The following ENTHD1 variants were observed in gnomAD, a reference collection of about 807,000 sequenced individuals.
ENTHD1 encodes the protein ENTH domain-containing protein 1.
In ENTHD1, 23 loss-of-function variants were observed where a neutral mutation model predicts 39.1. That is an observed-to-expected ratio of 0.59 (90% CI 0.42 to 0.83). The LOEUF (loss-of-function observed/expected upper bound fraction) is 0.83. ENTHD1 is among the 40% of genes least tolerant of loss of function. The pLI, the probability that ENTHD1 is intolerant of heterozygous loss-of-function variation, is 0.00. For missense variants in ENTHD1, 624 were observed against 705.4 expected (o/e 0.88, Z 1.31); for synonymous variants, 230 against 258.2 (o/e 0.89, Z 1.05).
At chr22:39,890,613 C>A (rs891223637) in intron 1 of ENTHD1, among the ~76,000 whole-genome samples, 1 of 151,942 alleles carries the variant, frequency 6.6e-6, no homozygotes, top group Non-Finnish European at 1.5e-5. Flanking sequence ...CATTCTCTAA[C>A]CTATATTTTA....
At chr22:39,765,176 TTGTGTGTGTGTGTG>T (rs71326782) in intron 6 of ENTHD1, 33 bp downstream of exon 6, 11 of 1,402,936 alleles carry the variant, frequency 7.8e-6, no homozygotes, top group East Asian at 2.6e-5. Flanking sequence ...AGGTTTTTTG[TTGTGTGTGTGTGTG>T]TGTGTGTGTG....
At chr22:39,866,212 A>C (rs1013931403) in intron 2 of ENTHD1, among the ~76,000 whole-genome samples, 5 of 152,324 alleles carry the variant, frequency 3.3e-5, no homozygotes, top group African/African-American at 1.2e-4. Flanking sequence ...CTCCCAAACA[A>C]ACAAAAAAAG....
chr22:39,799,712 C>G (rs2065583077), intron 5 of ENTHD1, among the ~76,000 whole-genome samples: 1 of 152,210 alleles, frequency 6.6e-6, no homozygotes, highest in Non-Finnish European at 1.5e-5. Context: ...ATTTACTTCC[C>G]TTACTGCGCA....
Position 39,887,818 on chromosome 22 carries a change from T to C in ENTHD1, c.-70A>G, listed in dbSNP as rs1406782515. 3 of 1,187,066 alleles carry C rather than the reference T, an allele frequency of 2.5e-6. No homozygotes were observed. Among genetic ancestry groups the C allele is most frequent in the Non-Finnish European group, 3.5e-6 (3 of 851,426 alleles). 73.5% of individuals were successfully genotyped at this position (1,187,066 alleles called of 1,614,324 possible). ...AATAACAGTTTATGTCACGGGTTTATAAAACTCTTGACAGGTAATTGGTCC... is the reference window on the plus strand; with the variant it reads ...AATAACAGTTTATGTCACGGGTTTACAAAACTCTTGACAGGTAATTGGTCC... On this transcript the variant is annotated 5_prime_UTR_variant, in exon 2 of 7. Transcript: ENST00000325157.
chr22:39,858,683 C>A (rs552018107), intron 3 of ENTHD1, among the ~76,000 whole-genome samples: 1 of 152,134 alleles, frequency 6.6e-6, no homozygotes, highest in African/African-American at 2.4e-5. Flanking sequence ...TTAGCAGGCA[C>A]GAAAACAATA....
rs980493689 is a variant in ENTHD1, at chr22:39,744,060, A to G, written c.1443T>C (p.Asp481=). Residue 481 remains aspartate (D), a synonymous_variant, in exon 7 of 7, where the codon GAT becomes GAC. Coordinates refer to ENST00000325157, the MANE Select transcript of ENTHD1 (RefSeq NM_152512.4). ...GATTGAGGCTATCATTTTCCTCTACATCAGAAGACACTGGGCCCCTAGAAG... is the reference window on the plus strand; with the variant it reads ...GATTGAGGCTATCATTTTCCTCTACGTCAGAAGACACTGGGCCCCTAGAAG... ...SFASRGPVSS[D]VEENDSLNLL... 1.2e-6 allele frequency: 2 copies of G among 1,614,130 alleles called. No individual in the cohort carries two copies. Among genetic ancestry groups the G allele is most frequent in the South Asian group, 1.1e-5 (1 of 91,084 alleles).
chr22:39,882,452 T>C (rs879622084), intron 2 of ENTHD1, among the ~76,000 whole-genome samples: 1 of 152,186 alleles, frequency 6.6e-6, no homozygotes, highest in East Asian at 1.9e-4. Context: ...TGTCTAAGCA[T>C]ACAATATATT....
chr22:39,788,563 A>C (rs1391716290), intron 5 of ENTHD1, among the ~76,000 whole-genome samples: 3 of 152,230 alleles, frequency 2.0e-5, no homozygotes, highest in Admixed American at 2.0e-4. Context: ...AATGTCATCA[A>C]GGAACTCAGA....
At chr22:39,826,993 G>C (rs537529888) in intron 4 of ENTHD1, among the ~76,000 whole-genome samples, 1 of 151,334 alleles carries the variant, frequency 6.6e-6, no homozygotes, top group African/African-American at 2.4e-5. Context: ...GACTATAAGC[G>C]CATGCCACCA....
intron 5 of ENTHD1, among the ~76,000 whole-genome samples, chr22:39,771,098 C>G (rs558944402): frequency 6.6e-6 from 1 of 151,524 alleles, no homozygotes; most frequent in East Asian, 1.9e-4. Flanking sequence ...TTTTTTTGCC[C>G]TTTCAGTTTT....
At chr22:39,852,082 T>C (rs987804254) in intron 3 of ENTHD1, among the ~76,000 whole-genome samples, 2 of 152,028 alleles carry the variant, frequency 1.3e-5, no homozygotes, top group African/African-American at 4.8e-5. Flanking sequence ...CCTGTAATCC[T>C]AGCACTGTGG....
chr22:39,796,914 T>C (rs1162079279), intron 5 of ENTHD1, among the ~76,000 whole-genome samples: 3 of 152,180 alleles, frequency 2.0e-5, no homozygotes, highest in African/African-American at 7.2e-5. Flanking sequence ...AAATACAACG[T>C]TTCTTTTTGA....
intron 5 of ENTHD1, among the ~76,000 whole-genome samples, chr22:39,770,510 G>T (rs888611526): frequency 6.6e-6 from 1 of 152,100 alleles, no homozygotes; most frequent in Non-Finnish European, 1.5e-5. Context: ...ACCCCACAGA[G>T]CCCCTTCTTC....
chr22:39,821,138 G>T (rs1206966919), intron 4 of ENTHD1, 25 bp from the exon 5 acceptor site: 3 of 1,610,504 alleles, frequency 1.9e-6, no homozygotes, highest in South Asian at 1.1e-5. Context: ...AAGAACATGA[G>T]AATTGAAGAA....
intron 5 of ENTHD1, among the ~76,000 whole-genome samples, chr22:39,784,796 A>G (rs2065441403): frequency 6.6e-6 from 1 of 152,254 alleles, no homozygotes; most frequent in Admixed American, 6.5e-5. Context: ...GTGGGGATGC[A>G]GGGAAGTTGA....
chr22:39,794,736 A>C (rs1241606700), intron 5 of ENTHD1, among the ~76,000 whole-genome samples: 9 of 151,706 alleles, frequency 5.9e-5, no homozygotes, highest in Non-Finnish European at 1.5e-5. Context: ...CCTGGGAGGC[A>C]GAGCTTGCAG....
At chr22:39,745,816 C>T (rs1478262531) in intron 6 of ENTHD1, among the ~76,000 whole-genome samples, 1 of 152,212 alleles carries the variant, frequency 6.6e-6, no homozygotes, top group African/African-American at 2.4e-5. Context: ...AATTCTAGGT[C>T]AGAAATCCTT....
intron 5 of ENTHD1, among the ~76,000 whole-genome samples, chr22:39,778,301 A>T (rs1282644164): frequency 1.3e-5 from 2 of 152,190 alleles, no homozygotes; most frequent in Non-Finnish European, 2.9e-5. Context: ...ATCTGCAAGC[A>T]TGATGCATTC....
chr22:39,834,907 C>T (rs566276739), intron 4 of ENTHD1, among the ~76,000 whole-genome samples: 6 of 152,148 alleles, frequency 3.9e-5, no homozygotes, highest in South Asian at 2.1e-4. Flanking sequence ...ATTTATATAA[C>T]GTTATAGACA....
Sources: gnomAD v4.1 joint callset for allele counts (sites outside exome capture counted in the v4.1 genomes callset) on GRCh38, gnomAD v4.1.1 for gene constraint, MANE v1.5 for transcripts, NCBI Gene and HGNC (gene_info 2026-07-23, HGNC 2026-07-21) for gene names.